PRKN: variants seen among roughly 807,000 people sequenced by gnomAD.
The protein encoded by PRKN is E3 ubiquitin-protein ligase parkin.
PRKN carries 56 observed loss-of-function variants against 59.5 expected under a neutral mutation model. The observed-to-expected ratio is 0.94, with a 90% CI of 0.76 to 1.18. PRKN has a LOEUF of 1.18. PRKN is among the 50% of genes most tolerant of loss of function. PRKN has a pLI of 0.00. For synonymous variants in PRKN, 250 were observed against 222.1 expected (o/e 1.13, Z -1.12); for missense variants, 657 against 596.4 (o/e 1.10, Z -1.06).
intron 7 of PRKN, among the ~76,000 whole-genome samples, chr6:161,628,861 C>G (rs901934263): frequency 2.6e-5 from 4 of 152,184 alleles, no homozygotes; most frequent in African/African-American, 9.7e-5. Flanking sequence ...TGAGAGTGTA[C>G]CATGCATGCA....
intron 6 of PRKN, among the ~76,000 whole-genome samples, chr6:161,877,291 T>A (rs1794766879): frequency 6.6e-6 from 1 of 152,050 alleles, no homozygotes; most frequent in African/African-American, 2.4e-5. Context: ...GAGGACAGCC[T>A]CAGGCTCCTG....
chr6:162,254,798 T>C (rs1464105139), intron 3 of PRKN, among the ~76,000 whole-genome samples: 1 of 152,128 alleles, frequency 6.6e-6, no homozygotes, highest in East Asian at 1.9e-4. Flanking sequence ...AAAGGGTCCT[T>C]TGAGCAAGTC....
At chr6:162,282,170 A>C (rs1466675250) in intron 2 of PRKN, among the ~76,000 whole-genome samples, 2 of 152,204 alleles carry the variant, frequency 1.3e-5, no homozygotes, top group African/African-American at 4.8e-5. Context: ...CATGGGCAAA[A>C]GCACTGCATG....
chr6:161,520,809 A>T (rs540255106), intron 9 of PRKN, among the ~76,000 whole-genome samples: 27 of 152,352 alleles, frequency 1.8e-4, no homozygotes, highest in Admixed American at 4.6e-4. Flanking sequence ...TGTTCTTCCA[A>T]ATCAAAATGT....
intron 7 of PRKN, among the ~76,000 whole-genome samples, chr6:161,664,438 C>T (rs1028804678): frequency 6.6e-6 from 1 of 152,166 alleles, no homozygotes; most frequent in African/African-American, 2.4e-5. Context: ...TGGCTGAGTA[C>T]AGCCTATCTG....
At chr6:162,010,664 A>AT (rs1782539234) in intron 5 of PRKN, among the ~76,000 whole-genome samples, 1 of 4,812 alleles carries the variant, frequency 2.1e-4, no homozygotes, top group Non-Finnish European at 2.5e-4. Context: ...AATATATTAT[A>AT]TATAATATAC....
intron 1 of PRKN, among the ~76,000 whole-genome samples, chr6:162,533,970 C>CA (rs139214272): frequency 0.015 from 1,213 of 82,696 alleles, 25 homozygotes; most frequent in East Asian, 0.039. Context: ...GACTCCATCT[C>CA]AAAAAAAAAA....
intron 4 of PRKN, among the ~76,000 whole-genome samples, chr6:162,194,131 G>C (rs964934725): frequency 6.6e-6 from 1 of 152,044 alleles, no homozygotes; most frequent in African/African-American, 2.4e-5. Flanking sequence ...TTGAAGTTTA[G>C]GTTATATTTA....
chr6:162,180,308 T>A (rs928153113), intron 4 of PRKN, among the ~76,000 whole-genome samples: 1 of 152,104 alleles, frequency 6.6e-6, no homozygotes, highest in African/African-American at 2.4e-5. Context: ...GCATTGTGTG[T>A]AACTCAAAGA....
intron 7 of PRKN, among the ~76,000 whole-genome samples, chr6:161,669,246 T>C (rs1313224209): frequency 1.3e-5 from 2 of 152,194 alleles, no homozygotes; most frequent in South Asian, 4.1e-4. Flanking sequence ...CTGTGAGAAA[T>C]AGATGTTGTT....
intron 2 of PRKN, among the ~76,000 whole-genome samples, chr6:162,392,121 A>C (rs967214864): frequency 6.6e-6 from 1 of 152,236 alleles, no homozygotes; most frequent in Middle Eastern, 3.4e-3. Context: ...CAGTAGAAGA[A>C]AAGCAATATG....
At chr6:162,008,778 T>A (rs1299237129) in intron 5 of PRKN, among the ~76,000 whole-genome samples, 1 of 152,160 alleles carries the variant, frequency 6.6e-6, no homozygotes, top group Admixed American at 6.5e-5. Context: ...GGCATTAGAA[T>A]AGGAATATTA....
intron 7 of PRKN, among the ~76,000 whole-genome samples, chr6:161,618,573 A>G (rs1004047702): frequency 1.3e-5 from 2 of 152,192 alleles, no homozygotes; most frequent in Non-Finnish European, 2.9e-5. Flanking sequence ...ATACATCAAT[A>G]TAAGACTAAT....
intron 4 of PRKN, among the ~76,000 whole-genome samples, chr6:162,179,404 T>C: frequency 6.6e-6 from 1 of 152,208 alleles, no homozygotes; most frequent in East Asian, 1.9e-4. Flanking sequence ...CACCTGGTTT[T>C]GGAACCTGCA....
At chr6:162,605,724 A>G (rs1185952405) in intron 1 of PRKN, among the ~76,000 whole-genome samples, 1 of 152,200 alleles carries the variant, frequency 6.6e-6, no homozygotes. Flanking sequence ...CAAACAGCAA[A>G]TAAACAGCTA....
At chr6:161,919,966 T>A (rs922151940) in intron 6 of PRKN, among the ~76,000 whole-genome samples, 3 of 152,220 alleles carry the variant, frequency 2.0e-5, no homozygotes, top group Non-Finnish European at 2.9e-5. Flanking sequence ...TGTGTGGACA[T>A]CACAGAGCAT....
At chr6:161,782,051 C>T (rs1790228279) in intron 7 of PRKN, among the ~76,000 whole-genome samples, 1 of 152,082 alleles carries the variant, frequency 6.6e-6, no homozygotes, top group Non-Finnish European at 1.5e-5. Context: ...GTGCAGTAAC[C>T]CCTCTTCTAG....
chr6:162,596,675 T>C (rs1781506463), intron 1 of PRKN, among the ~76,000 whole-genome samples: 6 of 152,210 alleles, frequency 3.9e-5, no homozygotes, highest in Admixed American at 3.9e-4. Context: ...AAATCAGGTA[T>C]CTGACTATCC....
intron 1 of PRKN, among the ~76,000 whole-genome samples, chr6:162,626,304 G>A (rs1281776804): frequency 6.6e-6 from 1 of 152,144 alleles, no homozygotes; most frequent in Non-Finnish European, 1.5e-5. Flanking sequence ...GAAAGGTAGA[G>A]AATGACTGTG....
Sources: allele counts gnomAD v4.1 joint callset (sites outside exome capture counted in the v4.1 genomes callset), GRCh38; gene constraint gnomAD v4.1.1; transcripts MANE v1.5; gene names NCBI Gene and HGNC (gene_info 2026-07-23, HGNC 2026-07-21).